Variants in DHX57 observed in about 807,000 individuals in gnomAD.
DHX57 encodes putative ATP-dependent RNA helicase DHX57.
In DHX57, 105 loss-of-function variants were observed where a neutral mutation model predicts 156.2. The observed-to-expected ratio is 0.67, with a 90% CI of 0.57 to 0.79. The LOEUF (loss-of-function observed/expected upper bound fraction) is 0.79. Ranked by LOEUF, DHX57 falls within the 30% of genes least tolerant of loss-of-function variation. DHX57 has a pLI of 0.00. For synonymous variants in DHX57, 704 were observed against 595.6 expected (o/e 1.18, Z -2.65); for missense variants, 1,847 against 1,661.9 (o/e 1.11, Z -1.94).
Position 38,854,179 on chromosome 2 carries a change from C to A in DHX57, c.1906-1G>T. The A allele has an allele frequency of 6.2e-7, 1 of 1,613,082 alleles. No individual in the cohort carries two copies. The highest frequency in any genetic ancestry group is 8.5e-7 in the Non-Finnish European group (1 of 1,179,516). ...AGTATAACAGTCTGGTGGCTGAGGA[C>A]TTACACATGAAAGGGCAATATAAAT... On this transcript the variant is annotated splice_acceptor_variant, in intron 8 of 23. Coordinates refer to ENST00000457308, the MANE Select transcript of DHX57 (RefSeq NM_198963.3). LOFTEE classifies it high-confidence loss of function.
In DHX57 at chr2:38,872,068, A is replaced by G. The variant is rs529672970; in HGVS notation, c.-6-3657T>C. The stretch of plus-strand genomic sequence containing the variant: ...ATGCTAGTGACATTAAACCATTAAT[A>G]AGGGCTCTGCCCTCATGATCGAATT... On this transcript the variant is annotated intron_variant, in intron 1 of 23. Coordinates refer to ENST00000457308, the MANE Select transcript of DHX57 (RefSeq NM_198963.3). Among the ~76,000 whole-genome samples the G allele has an allele frequency of 1.5e-4, 23 of 152,308 alleles. 1 individual carries two copies. The South Asian group carries it at 2.5e-3, about 16-fold the overall frequency.
At chr2:38,868,118 G>A in intron 2 of DHX57, 64 bp downstream of exon 2, 1 of 1,573,954 alleles carries the variant, frequency 6.4e-7, no homozygotes, top group Non-Finnish European at 8.7e-7. Flanking sequence ...TCAGCCATCT[G>A]TTGTCCCATA....
At chr2:38,817,026 CCACT>C (rs1350623916) in intron 19 of DHX57, among the ~76,000 whole-genome samples, 1 of 152,138 alleles carries the variant, frequency 6.6e-6, no homozygotes, top group African/African-American at 2.4e-5. Flanking sequence ...AGCCCCCCAC[CCACT>C]TTTGATTAGT....
intron 12 of DHX57, among the ~76,000 whole-genome samples, chr2:38,841,422 T>C (rs1225347344): frequency 6.6e-6 from 1 of 152,200 alleles, no homozygotes; most frequent in East Asian, 1.9e-4. Context: ...AAGTCCATTC[T>C]CTTAGCTTTA....
At chr2:38,800,754 G>A (rs757650515) in intron 23 of DHX57, among the ~76,000 whole-genome samples, 6 of 152,156 alleles carry the variant, frequency 3.9e-5, no homozygotes, top group Non-Finnish European at 7.3e-5. Flanking sequence ...GGTTAACCAC[G>A]TTTTTGTCAC....
intron 21 of DHX57, among the ~76,000 whole-genome samples, chr2:38,812,475 G>A (rs1331742406): frequency 2.0e-5 from 3 of 152,208 alleles, no homozygotes; most frequent in Non-Finnish European, 4.4e-5. Context: ...AAGTCCAAGA[G>A]CACACTCAAG....
At chr2:38,829,838 T>G (rs1409438891) in intron 13 of DHX57, among the ~76,000 whole-genome samples, 1 of 152,182 alleles carries the variant, frequency 6.6e-6, no homozygotes, top group Non-Finnish European at 1.5e-5. Flanking sequence ...AAACTATAAT[T>G]GACTGGCCAA....
intron 11 of DHX57, among the ~76,000 whole-genome samples, chr2:38,845,373 T>C (rs771786650): frequency 3.3e-5 from 5 of 152,258 alleles, no homozygotes; most frequent in Non-Finnish European, 5.9e-5. Flanking sequence ...CTAAGTATCC[T>C]TATTGCACAT....
In DHX57 at chr2:38,828,397, T is replaced by C. The variant is rs1449750181; in HGVS notation, c.2582A>G (p.Lys861Arg). Reference sequence around the variant, plus strand: ...AGACTGTAGCTGTTCATAAAGCATTTTGATTTCTGCTAGTCCTGGTAAAAA... The same window carrying C: ...AGACTGTAGCTGTTCATAAAGCATTCTGATTTCTGCTAGTCCTGGTAAAAA... ...LVFLPGLAEI[K>R]MLYEQLQSNS... is the part of the protein sequence containing the mutation. Residue 861 changes from lysine to arginine, a missense_variant, in exon 14 of 24, where the codon AAA becomes AGA. By Grantham distance (26) the Lys-to-Arg change is conservative. Transcript: ENST00000457308. 14 of 1,613,682 alleles carry C rather than the reference T, an allele frequency of 8.7e-6. No homozygotes were observed. The East Asian group carries it at 3.1e-4, about 36-fold the overall frequency.
At chr2:38,830,360 G>A (rs1309739572) in intron 13 of DHX57, among the ~76,000 whole-genome samples, 1 of 152,274 alleles carries the variant, frequency 6.6e-6, no homozygotes, top group East Asian at 1.9e-4. Context: ...AGGCATGGTG[G>A]CTCAGGCCTG....
chr2:38,866,699 C>T (rs533742137), intron 2 of DHX57, among the ~76,000 whole-genome samples: 79 of 152,284 alleles, frequency 5.2e-4, no homozygotes, highest in African/African-American at 1.8e-3. Flanking sequence ...AATGAATGAA[C>T]ATCTACGGAC....
intron 13 of DHX57, among the ~76,000 whole-genome samples, chr2:38,831,785 A>G (rs377734362): frequency 7.2e-4 from 107 of 149,294 alleles, no homozygotes; most frequent in African/African-American, 2.4e-3. Context: ...TGAACCCGGG[A>G]GGCGGAGGTT....
At chr2:38,829,255 A>G (rs577428972) in intron 13 of DHX57, among the ~76,000 whole-genome samples, 1 of 143,374 alleles carries the variant, frequency 7.0e-6, no homozygotes, top group East Asian at 2.2e-4. Flanking sequence ...GCTAAGCTCT[A>G]TAAATAAACT....
intron 11 of DHX57, among the ~76,000 whole-genome samples, 163 bp downstream of exon 11, chr2:38,846,856 T>C (rs1184179160): frequency 6.9e-6 from 1 of 143,986 alleles, no homozygotes; most frequent in Non-Finnish European, 1.5e-5. Context: ...TCACTGAATC[T>C]TTTTTTTTTT....
intron 16 of DHX57, among the ~76,000 whole-genome samples, chr2:38,824,178 A>G (rs1195858290): frequency 6.6e-6 from 1 of 152,222 alleles, no homozygotes; most frequent in African/African-American, 2.4e-5. Context: ...ACTCAGGCTT[A>G]AAAAAGAAAG....
intron 5 of DHX57, among the ~76,000 whole-genome samples, chr2:38,859,817 CT>C (rs200526041): frequency 2.4e-3 from 324 of 135,610 alleles, no homozygotes; most frequent in African/African-American, 4.5e-3. Context: ...AAAGAGGATC[CT>C]TTTTTTTTTT....
intron 14 of DHX57, 99 bp downstream of exon 14, chr2:38,828,241 G>A (rs754641184): frequency 3.9e-6 from 3 of 770,702 alleles, no homozygotes; most frequent in Non-Finnish European, 5.9e-6. Flanking sequence ...ACAAATGTAT[G>A]CTCGAAGACT....
At chr2:38,811,219 G>T (rs1572625648) in intron 21 of DHX57, 2 of 496,408 alleles carry the variant, frequency 4.0e-6, no homozygotes, top group Middle Eastern at 6.4e-4. Context: ...CCTTGGACTG[G>T]TTGTAGAACT....
At chr2:38,856,297 T>A (rs1438899193) in intron 7 of DHX57, 43 bp downstream of exon 7, 1 of 1,584,174 alleles carries the variant, frequency 6.3e-7, no homozygotes, top group East Asian at 2.2e-5. Context: ...GTGCATATAA[T>A]ATTTATAGAT....
Sources: gnomAD v4.1 joint callset for allele counts (sites outside exome capture counted in the v4.1 genomes callset) on GRCh38, gnomAD v4.1.1 for gene constraint, MANE v1.5 for transcripts, NCBI Gene and HGNC (gene_info 2026-07-23, HGNC 2026-07-21) for gene names.